HUWE1: variants seen among roughly 807,000 people sequenced by gnomAD.
HUWE1 encodes the protein HECT, UBA and WWE domain containing E3 ubiquitin protein ligase 1, also known as E3 ubiquitin-protein ligase HUWE1.
HUWE1 carries 18 observed loss-of-function variants against 299.4 expected under a neutral mutation model. That is an observed-to-expected ratio of 0.06 (90% confidence interval 0.04 to 0.09). The LOEUF (loss-of-function observed/expected upper bound fraction) is 0.09, where lower values mean the gene tolerates loss of function less well. Ranked by LOEUF, HUWE1 falls within the 10% of genes least tolerant of loss-of-function variation. The pLI is 1.00. For synonymous variants in HUWE1, 1,317 were observed against 1,286.1 expected (o/e 1.02, Z -0.51); for missense variants, 1,832 against 3,462.3 (o/e 0.53, Z 11.82).
chrX:53,669,859 A>T (rs907308828), intron 3 of HUWE1, among the ~76,000 whole-genome samples: 28 of 112,468 alleles, frequency 2.5e-4, no homozygotes, highest in African/African-American at 8.4e-4. Context: ...ACTTAACATA[A>T]GTATATACTT....
intron 82 of HUWE1, 131 bp from the exon 83 acceptor site, chrX:53,534,328 C>G (rs1238657496): frequency 1.4e-6 from 1 of 700,105 alleles, no homozygotes; most frequent in Non-Finnish European, 2.2e-6. Flanking sequence ...TGAGCTTTAG[C>G]TCCTTTCATT....
intron 79 of HUWE1, 44 bp from the exon 80 acceptor site, chrX:53,536,296 G>T (rs781930538): frequency 9.6e-6 from 11 of 1,147,290 alleles, no homozygotes; most frequent in African/African-American, 1.8e-5. Context: ...GCGAGTGGGG[G>T]GGAAGAAGGA....
At chrX:53,549,878 G>A (rs781868471) in intron 66 of HUWE1, among the ~76,000 whole-genome samples, 3 of 108,752 alleles carry the variant, frequency 2.8e-5, no homozygotes, top group African/African-American at 1.0e-4. Context: ...TCAGCCTCCC[G>A]AGTAGCTGGG....
At chrX:53,641,235 T>G (rs2067567780) in intron 7 of HUWE1, among the ~76,000 whole-genome samples, 1 of 111,877 alleles carries the variant, frequency 8.9e-6, no homozygotes, top group African/African-American at 3.2e-5. Flanking sequence ...CTGTGCCAAC[T>G]GCAAGACTTG....
rs184762158 is a variant in HUWE1, at chrX:53,568,121, T to C, written c.6707+571A>G. Reference sequence around the variant, plus strand: ...TAGAATAAGAGAGATTCAGAAAACATAGCCAGATGTAATACAAGTCCTTAA... The same window carrying C: ...TAGAATAAGAGAGATTCAGAAAACACAGCCAGATGTAATACAAGTCCTTAA... On this transcript the variant is annotated intron_variant, in intron 49 of 83. Coordinates refer to ENST00000262854, the MANE Select transcript of HUWE1 (RefSeq NM_031407.7). Among the ~76,000 whole-genome samples the C allele has an allele frequency of 1.4e-4, 16 of 111,947 alleles. No homozygotes were observed. The East Asian group carries it at 2.8e-3, about 20-fold the overall frequency.
At chrX:53,616,143 T>C (rs2065788699) in intron 21 of HUWE1, among the ~76,000 whole-genome samples, 3 of 109,930 alleles carry the variant, frequency 2.7e-5, no homozygotes, top group African/African-American at 1.0e-4. Flanking sequence ...ACTCCTGAGC[T>C]CAAGTGATCT....
intron 6 of HUWE1, among the ~76,000 whole-genome samples, chrX:53,647,103 A>G (rs908788512): frequency 8.9e-6 from 1 of 111,886 alleles, no homozygotes; most frequent in African/African-American, 3.3e-5. Flanking sequence ...AAATTTCCTT[A>G]AATACTTTAA....
chrX:53,643,344 CCAAT>C (rs2067738646), intron 7 of HUWE1, among the ~76,000 whole-genome samples: 1 of 110,510 alleles, frequency 9.0e-6, no homozygotes, highest in South Asian at 3.8e-4. Flanking sequence ...GGTCTTTTCA[CCAAT>C]CATTTTCTTT....
chrX:53,535,881 T>C (rs951736345), intron 80 of HUWE1: 1 of 366,795 alleles, frequency 2.7e-6, no homozygotes, highest in Admixed American at 4.8e-5. Flanking sequence ...ACGATTTTTC[T>C]ACAAAGACCT....
chrX:53,607,811 G>T lies in HUWE1; in HGVS notation c.2320-112C>A, dbSNP rs893415238. The T allele has an allele frequency of 7.7e-6, 4 of 520,205 alleles. No homozygotes were observed. The African/African-American group carries it at 9.4e-5, about 12-fold the overall frequency. 42.9% of individuals were successfully genotyped at this position (520,205 alleles called of 1,213,427 possible). Reference sequence around the variant, plus strand: ...AGTCATGATATTAGTGTTTTCTATAGAGTATCAAAACCTCAGATAAACCAG... The same window carrying T: ...AGTCATGATATTAGTGTTTTCTATATAGTATCAAAACCTCAGATAAACCAG... On this transcript the variant is annotated intron_variant, in intron 24 of 83. Coordinates refer to ENST00000262854, the MANE Select transcript of HUWE1 (RefSeq NM_031407.7).
intron 43 of HUWE1, 99 bp from the exon 44 acceptor site, chrX:53,577,166 G>T: frequency 1.6e-6 from 1 of 625,901 alleles, no homozygotes; most frequent in Non-Finnish European, 2.7e-6. Flanking sequence ...GATATAGAAG[G>T]CTTGAGATAG....
intron 24 of HUWE1, among the ~76,000 whole-genome samples, chrX:53,608,099 G>A (rs1215332140): frequency 3.6e-5 from 4 of 111,848 alleles, no homozygotes; most frequent in African/African-American, 9.8e-5. Context: ...CAAATGAAAC[G>A]CATAATGCAA....
At chrX:53,622,050 G>A (rs1263891994) in intron 19 of HUWE1, among the ~76,000 whole-genome samples, 2 of 112,106 alleles carry the variant, frequency 1.8e-5, no homozygotes, top group South Asian at 3.7e-4. Context: ...GCCAGAGGTC[G>A]GACACGTGAG....
chrX:53,535,186 T>C lies in HUWE1; in HGVS notation c.12649+198A>G, dbSNP rs782236704. Among the ~76,000 whole-genome samples the C allele has an allele frequency of 3.7e-4, 41 of 111,414 alleles. No individual in the cohort carries two copies. The East Asian group carries it at 5.7e-3, about 15-fold the overall frequency. On this transcript the variant is annotated intron_variant, in intron 81 of 83. Coordinates refer to ENST00000262854, the MANE Select transcript of HUWE1 (RefSeq NM_031407.7). ...CTCACCTCAACTGATCCGCCCACCT[T>C]GGCCTCCCAAAGTGCTGGGATTATA...
intron 19 of HUWE1, among the ~76,000 whole-genome samples, chrX:53,620,031 C>G (rs141707298): frequency 1.8e-5 from 2 of 111,725 alleles, no homozygotes; most frequent in African/African-American, 6.5e-5. Context: ...CTGCCCCAAT[C>G]TGCTGGCACA....
chrX:53,667,674 G>C (rs1241271611), intron 3 of HUWE1, among the ~76,000 whole-genome samples: 2 of 111,926 alleles, frequency 1.8e-5, no homozygotes, highest in Non-Finnish European at 3.8e-5. Flanking sequence ...CCTGTACTAA[G>C]AAATACAAGA....
chrX:53,580,424 T>C (rs782550088), intron 43 of HUWE1, among the ~76,000 whole-genome samples: 1 of 112,681 alleles, frequency 8.9e-6, no homozygotes, highest in East Asian at 2.8e-4. Flanking sequence ...TCTAATTGTT[T>C]CCTCATAATT....
In HUWE1 at chrX:53,648,220, T is replaced by C; in HGVS notation, c.136A>G (p.Ile46Val). 1 of 1,187,533 alleles carries C rather than the reference T, an allele frequency of 8.4e-7. No homozygotes were observed. Among genetic ancestry groups the C allele is most frequent in the South Asian group, 1.8e-5 (1 of 56,432 alleles). Residue 46 changes from isoleucine to valine, a missense_variant, in exon 5 of 84, where the codon ATT becomes GTT. Ile to Val is a conservative substitution (Grantham distance 29). Transcript: ENST00000262854. ...AGCTTGACTTCACATACCTTTCCAA[T>C]GTTCCATGTTTTGATCTGCTGCAGT... ...LELQQIKTWN[I>V]GKCELYHWVD... is the part of the protein sequence containing the mutation.
intron 44 of HUWE1, 39 bp from the exon 45 acceptor site, chrX:53,575,827 C>T (rs1260017888): frequency 8.4e-7 from 1 of 1,185,663 alleles, no homozygotes; most frequent in Non-Finnish European, 1.1e-6. Flanking sequence ...CAAAATAAAC[C>T]TCTTCTACAA....
Sources: gnomAD v4.1 joint callset for allele counts (sites outside exome capture counted in the v4.1 genomes callset) on GRCh38, gnomAD v4.1.1 for gene constraint, MANE v1.5 for transcripts, NCBI Gene and HGNC (gene_info 2026-07-23, HGNC 2026-07-21) for gene names.